The following EMP2 variants were observed in gnomAD, a reference collection of about 807,000 sequenced individuals.
EMP2 encodes epithelial membrane protein 2.
A neutral mutation model predicts 13.7 loss-of-function variants in EMP2; 19 were observed. The observed-to-expected ratio is 1.38, with a 90% CI of 0.97 to 2.03. The LOEUF is 2.03. Among genes scored for constraint, EMP2 ranks in the 30% most tolerant of loss-of-function variants. EMP2 has a pLI of 0.00. For missense variants in EMP2, 253 were observed against 220.7 expected, an observed-to-expected ratio of 1.15 and a Z score of -0.93; for synonymous variants, 97 against 84.7, an observed-to-expected ratio of 1.15 and a Z score of -0.80.
chr16:10,568,121 C>G (rs1366073265), intron 1 of EMP2, among the ~76,000 whole-genome samples: 1 of 152,182 alleles, frequency 6.6e-6, no homozygotes, highest in Non-Finnish European at 1.5e-5. Context: ...GCAGAAAAAT[C>G]AGGCTGCAGG....
intron 1 of EMP2, among the ~76,000 whole-genome samples, chr16:10,572,161 A>C (rs2050952718): frequency 6.6e-6 from 1 of 152,220 alleles, no homozygotes; most frequent in South Asian, 2.1e-4. Context: ...GACCCTTAAA[A>C]GATTTAGGTT....
chr16:10,572,265 G>C (rs942435343), intron 1 of EMP2, among the ~76,000 whole-genome samples: 1 of 152,050 alleles, frequency 6.6e-6, no homozygotes, highest in Non-Finnish European at 1.5e-5. Context: ...AGAGCTGCCT[G>C]GGTGACAAAG....
At chr16:10,554,919 G>C (rs2050816102) in intron 1 of EMP2, among the ~76,000 whole-genome samples, 1 of 152,102 alleles carries the variant, frequency 6.6e-6, no homozygotes, top group South Asian at 2.1e-4. Context: ...GCATAATCTA[G>C]CCCATCCCCC....
At chr16:10,561,887 TC>T (rs2050873706) in intron 1 of EMP2, among the ~76,000 whole-genome samples, 1 of 152,112 alleles carries the variant, frequency 6.6e-6, no homozygotes, top group Non-Finnish European at 1.5e-5. Flanking sequence ...TTATTTAAAA[TC>T]TGGCAATAAA....
In EMP2 at chr16:10,579,223, C is replaced by T. The variant is rs117127679; in HGVS notation, c.-61+1326G>A. On this transcript the variant is annotated intron_variant, in intron 1 of 4. Coordinates refer to ENST00000359543, the MANE Select transcript of EMP2 (RefSeq NM_001424.6). ...TGTGACTCCTGGGAAACCAGGACCCCGTCCCTTCCTCGTCCTCTTTAAGCT... is the reference window on the plus strand; with the variant it reads ...TGTGACTCCTGGGAAACCAGGACCCTGTCCCTTCCTCGTCCTCTTTAAGCT... Among the ~76,000 whole-genome samples, 280 of 152,274 alleles carry T rather than the reference C, an allele frequency of 1.8e-3. 1 individual carries two copies. The highest frequency in any genetic ancestry group is 0.012 in the Admixed American group (180 of 15,302).
intron 1 of EMP2, among the ~76,000 whole-genome samples, chr16:10,564,700 C>G (rs967566379): frequency 1.3e-5 from 2 of 151,974 alleles, no homozygotes; most frequent in African/African-American, 4.8e-5. Flanking sequence ...CATCCACCAC[C>G]ACCATTCTCA....
chr16:10,552,643 C>T (rs1341513288), intron 1 of EMP2, among the ~76,000 whole-genome samples: 2 of 152,138 alleles, frequency 1.3e-5, no homozygotes, highest in Non-Finnish European at 2.9e-5. Context: ...AACGTTCTTT[C>T]TTTTTATAAG....
At chr16:10,560,830 G>A (rs1386808475) in intron 1 of EMP2, among the ~76,000 whole-genome samples, 2 of 152,154 alleles carry the variant, frequency 1.3e-5, no homozygotes, top group Non-Finnish European at 2.9e-5. Context: ...GCACACTTAG[G>A]AGAGCACGTT....
intron 1 of EMP2, among the ~76,000 whole-genome samples, chr16:10,572,233 A>T (rs760761691): frequency 9.2e-5 from 14 of 152,058 alleles, no homozygotes; most frequent in Non-Finnish European, 1.6e-4. Flanking sequence ...AGGAGGGAGG[A>T]TCACTTGAGG....
At chr16:10,574,504 C>CA (rs1288625513) in intron 1 of EMP2, among the ~76,000 whole-genome samples, 1 of 152,122 alleles carries the variant, frequency 6.6e-6, no homozygotes, top group Non-Finnish European at 1.5e-5. Flanking sequence ...ACCATGCACC[C>CA]ACTGCTCCTC....
chr16:10,532,758 CTTTTTTT>C lies in EMP2; in HGVS notation c.*140_*146del, dbSNP rs878927571. ...CTTTTGGATTTTTTTTTTCTTTTTTCTTTTTTTTTTTTTTTTTTTTTTTTTTTTGGCT... is the reference window on the plus strand; with the variant it reads ...CTTTTGGATTTTTTTTTTCTTTTTTCTTTTTTTTTTTTTTTTTTTTTGGCT... On this transcript the variant is annotated 3_prime_UTR_variant, in exon 5 of 5. Coordinates refer to ENST00000359543, the MANE Select transcript of EMP2 (RefSeq NM_001424.6). 380 of 184,870 alleles carry C rather than the reference CTTTTTTT, an allele frequency of 2.1e-3. 34 individuals are homozygous for C. The highest frequency in any genetic ancestry group is 9.8e-3 in the African/African-American group (233 of 23,828). 11.5% of individuals were successfully genotyped at this position (184,870 alleles called of 1,614,324 possible). A position where few individuals can be genotyped will look rare whatever the true frequency, so the allele number is the denominator to read the frequency against.
Position 10,575,232 on chromosome 16 carries a change from G to A in EMP2, c.-61+5317C>T, listed in dbSNP as rs558324387. ...TCTGGTGGCCTTGGTCCTGGAGCTT[G>A]CATTCTTTTTTTTTTTTTTTTTTTT... On this transcript the variant is annotated intron_variant, in intron 1 of 4. Coordinates refer to ENST00000359543, the MANE Select transcript of EMP2 (RefSeq NM_001424.6). Among the ~76,000 whole-genome samples the A allele has an allele frequency of 7.3e-5, 7 of 95,806 alleles. No homozygotes were observed. In the East Asian group the frequency reaches 2.8e-3, roughly 38 times the overall value. 62.9% of individuals were successfully genotyped at this position (95,806 alleles called of 152,430 possible).
chr16:10,541,673 T>G (rs1160288255), intron 3 of EMP2, among the ~76,000 whole-genome samples: 1 of 152,134 alleles, frequency 6.6e-6, no homozygotes, highest in East Asian at 1.9e-4. Flanking sequence ...GAGGTTAGCA[T>G]GACAGAATAA....
At chr16:10,558,590 G>C (rs567622046) in intron 1 of EMP2, among the ~76,000 whole-genome samples, 9 of 152,164 alleles carry the variant, frequency 5.9e-5, no homozygotes, top group Admixed American at 2.6e-4. Flanking sequence ...GCAACATTTG[G>C]TTTGCTGTTG....
intron 2 of EMP2, chr16:10,546,750 A>G (rs1256518610): frequency 6.6e-6 from 1 of 152,286 alleles, no homozygotes; most frequent in Non-Finnish European, 1.5e-5. Flanking sequence ...CATCTAGCAG[A>G]TAAGGCCAGA....
At chr16:10,538,179 A>C (rs2050665714) in intron 3 of EMP2, 105 bp from the exon 4 acceptor site, 2 of 1,401,846 alleles carry the variant, frequency 1.4e-6, no homozygotes, top group South Asian at 2.6e-5. Context: ...CAGGAGGCAA[A>C]CAGGAAGGGG....
intron 1 of EMP2, among the ~76,000 whole-genome samples, chr16:10,557,777 T>A (rs889324021): frequency 5.3e-5 from 8 of 152,054 alleles, no homozygotes; most frequent in African/African-American, 1.9e-4. Flanking sequence ...CATAAAATAA[T>A]ATAGAACACA....
At chr16:10,543,519 G>GTTCC in intron 3 of EMP2, 51 bp downstream of exon 3, 1 of 1,595,028 alleles carries the variant, frequency 6.3e-7, no homozygotes, top group Non-Finnish European at 8.6e-7. Context: ...ACTCCTGACC[G>GTTCC]TTCCTTCCTC....
At position 10,529,543 on chromosome 16, in the gene EMP2, C is replaced by A. The variant is rs1166447515; in HGVS notation, c.*3362G>T. 6.6e-6 allele frequency: 1 copy of A among 152,166 alleles called. No homozygotes were observed. The highest frequency in any genetic ancestry group is 1.5e-5 in the Non-Finnish European group (1 of 68,032). The allele number at this position is 152,166 out of a possible 1,614,324, so 9.4% of individuals were successfully genotyped here. On this transcript the variant is annotated 3_prime_UTR_variant, in exon 5 of 5. Coordinates refer to ENST00000359543, the MANE Select transcript of EMP2 (RefSeq NM_001424.6). ...GCATTCAACACAGATACTCATGTAG[C>A]CCCGACGTTTCTTGTGAAGGGAATT... is the stretch of plus-strand genomic sequence containing the variant.
Sources: allele counts gnomAD v4.1 joint callset (sites outside exome capture counted in the v4.1 genomes callset), GRCh38; gene constraint gnomAD v4.1.1; transcripts MANE v1.5; gene names NCBI Gene and HGNC (gene_info 2026-07-23, HGNC 2026-07-21).